The following ARRDC5 variants were observed in gnomAD, a reference collection of about 807,000 sequenced individuals.
ARRDC5 encodes arrestin domain-containing protein 5.
In ARRDC5, 12 loss-of-function variants were observed where a neutral mutation model predicts 13.3. The ratio of observed to expected loss-of-function variants is 0.90; its 90% CI spans 0.58 to 1.46. ARRDC5 has a LOEUF of 1.46. Among genes scored for constraint, ARRDC5 ranks in the 40% most tolerant of loss-of-function variants. The probability of loss-of-function intolerance (pLI) is 0.00; values close to 1 mark genes in which losing one functional copy is unlikely to be tolerated. For synonymous variants in ARRDC5, 181 were observed against 173.4 expected (o/e 1.04, Z -0.34); for missense variants, 406 against 418.7 (o/e 0.97, Z 0.26).
rs751871191 is a variant in ARRDC5, at chr19:4,891,511, G to C, written c.522C>G (p.Val174=). 6.2e-7 allele frequency: 1 copy of C among 1,613,926 alleles called. No homozygotes were observed. The highest frequency in any genetic ancestry group is 8.5e-7 in the Non-Finnish European group (1 of 1,179,872). Residue 174 remains valine, a synonymous_variant, in exon 3 of 3, where the codon GTC becomes GTG. Transcript: ENST00000650722. ...VSYNCCRQGT[V]CLQIQMERNT... ...TCCTTTCCATCTGGATTTGCAAACA[G>C]ACAGTGCCCTGGCGGCAGCAGTTGT...
At chr19:4,906,534 A>C (rs911742979), upstream of ARRDC5, among the ~76,000 whole-genome samples, 1 of 152,130 alleles carries the variant, frequency 6.6e-6, no homozygotes, top group Admixed American at 6.5e-5. Flanking sequence ...CGGGCAGATC[A>C]CCTAAGGTCA....
At chr19:4,916,649 G>A in the ARRDC5 span, among the ~76,000 whole-genome samples, 9 of 152,006 alleles carry the variant, frequency 5.9e-5, no homozygotes, top group African/African-American at 1.9e-4. Context: ...CGCCACCGCC[G>A]CCCCCTCTTG....
upstream of ARRDC5, chr19:4,903,486 T>C (rs962319851): frequency 6.6e-6 from 1 of 152,136 alleles, no homozygotes; most frequent in African/African-American, 2.4e-5. Flanking sequence ...TTGCTAATTT[T>C]TTTTTGGTAT....
chr19:4,910,849 G>C, the ARRDC5 span: 1 of 1,579,850 alleles, frequency 6.3e-7, no homozygotes, highest in Non-Finnish European at 8.6e-7. Flanking sequence ...TAAAACTGAT[G>C]GGGGTTTTTG....
chr19:4,909,262 T>G, the ARRDC5 span: 1 of 519,204 alleles, frequency 1.9e-6, no homozygotes, highest in East Asian at 3.6e-5. Flanking sequence ...GTGCGGGGGG[T>G]GACCAGGCCC....
chr19:4,894,752 G>GGAA (rs748454889), intron 2 of ARRDC5, among the ~76,000 whole-genome samples: 283 of 102,904 alleles, frequency 2.8e-3, no homozygotes, highest in African/African-American at 7.5e-3. Context: ...AAGAGGAAGA[G>GGAA]GAAGAAGAAG....
At chr19:4,895,461 A>C (rs1486727481) in intron 2 of ARRDC5, among the ~76,000 whole-genome samples, 2 of 151,052 alleles carry the variant, frequency 1.3e-5, no homozygotes, top group Non-Finnish European at 3.0e-5. Context: ...AGAAAGAAAA[A>C]GGAAAAAAAA....
At chr19:4,902,972 G>A (rs1296455462), upstream of ARRDC5, 18 of 1,139,974 alleles carry the variant, frequency 1.6e-5, no homozygotes, top group East Asian at 3.9e-4. Context: ...AGGAGGGGAG[G>A]CAAAACTGTT....
chr19:4,899,013 T>C (rs1485800082), intron 1 of ARRDC5, among the ~76,000 whole-genome samples: 1 of 151,818 alleles, frequency 6.6e-6, no homozygotes, highest in Non-Finnish European at 1.5e-5. Context: ...GTTTATTAAA[T>C]AAATGAAAAA....
chr19:4,905,180 G>T (rs1254069583), upstream of ARRDC5, among the ~76,000 whole-genome samples: 2 of 131,946 alleles, frequency 1.5e-5, no homozygotes, highest in East Asian at 4.7e-4. Context: ...GCAGTGGTGT[G>T]ATCTCGGCTC....
At chr19:4,909,028 G>A in the ARRDC5 span, among the ~76,000 whole-genome samples, 1 of 152,196 alleles carries the variant, frequency 6.6e-6, no homozygotes, top group South Asian at 2.1e-4. Flanking sequence ...AGCCCTGGCA[G>A]GCCCTGACGC....
chr19:4,902,790 G>C lies in ARRDC5; in HGVS notation c.36C>G (p.Pro12=). The C allele has an allele frequency of 1.2e-6, 2 of 1,613,856 alleles. No individual in the cohort carries two copies. Among genetic ancestry groups the C allele is most frequent in the African/African-American group, 1.3e-5 (1 of 75,024 alleles). ...SVVKSIELVL[P]EDRIYLAGSS... is the part of the protein sequence containing the mutation. ...AGCCAGCCAGGTAGATTCTATCCTC[G>C]GGCAGCACTAATTCGATCGACTTCA... Residue 12 remains proline (P), a synonymous_variant, in exon 1 of 3, where the codon CCC becomes CCG. Coordinates refer to ENST00000650722, the MANE Select transcript of ARRDC5 (RefSeq NM_001080523.3).
At chr19:4,896,484 T>G (rs1476279762) in intron 2 of ARRDC5, among the ~76,000 whole-genome samples, 187 bp downstream of exon 2, 1 of 151,030 alleles carries the variant, frequency 6.6e-6, no homozygotes, top group East Asian at 1.9e-4. Context: ...CATGGCTTAC[T>G]GCAGCCTTGA....
intron 2 of ARRDC5, among the ~76,000 whole-genome samples, chr19:4,896,401 C>CAT (rs1345718246): frequency 0.048 from 4,700 of 98,490 alleles, 138 homozygotes; most frequent in Middle Eastern, 0.093. Context: ...CACACACACA[C>CAT]ACACATATAT....
chr19:4,896,877 C>T lies in ARRDC5; in HGVS notation c.254-1G>A. On this transcript the variant is annotated splice_acceptor_variant, in intron 1 of 2. Transcript: ENST00000650722. LOFTEE classifies it high-confidence loss of function. ...TGGCTGCCTGCACTTAACCAATTATCTGAAAGCAAAACACACCGATGCCAT... is the reference window on the plus strand; with the variant it reads ...TGGCTGCCTGCACTTAACCAATTATTTGAAAGCAAAACACACCGATGCCAT... 1 of 1,612,166 alleles carries T rather than the reference C, an allele frequency of 6.2e-7. No individual in the cohort carries two copies. The highest frequency in any genetic ancestry group is 8.5e-7 in the Non-Finnish European group (1 of 1,178,566).
At position 4,896,325 on chromosome 19, in the gene ARRDC5, AAAAAATAT is replaced by A. The variant is rs1173774141; in HGVS notation, c.459+338_459+345del. Among the ~76,000 whole-genome samples the A allele has an allele frequency of 1.1e-3, 78 of 74,140 alleles. 2 individuals are homozygous for A. The highest frequency in any genetic ancestry group is 1.5e-3 in the Non-Finnish European group (61 of 41,746). The allele number at this position is 74,140 out of a possible 152,430, so 48.6% of individuals were successfully genotyped here. A position where few individuals can be genotyped will look rare whatever the true frequency, so the allele number is the denominator to read the frequency against. ...CGAGACTGCATCTCAAAAAAAAAAA[AAAAAATAT>A]ATATATATATATATATTTTTTTTTT... On this transcript the variant is annotated intron_variant, in intron 2 of 2. Coordinates refer to ENST00000650722, the MANE Select transcript of ARRDC5 (RefSeq NM_001080523.3).
upstream of ARRDC5, among the ~76,000 whole-genome samples, chr19:4,904,348 T>G (rs964865926): frequency 2.4e-4 from 37 of 152,068 alleles, no homozygotes; most frequent in African/African-American, 8.0e-4. Flanking sequence ...CCTGGCTAAT[T>G]TTTTGTATTT....
At chr19:4,904,503 CAG>C (rs2032024287), upstream of ARRDC5, among the ~76,000 whole-genome samples, 1 of 152,122 alleles carries the variant, frequency 6.6e-6, no homozygotes, top group African/African-American at 2.4e-5. Flanking sequence ...TTAGTAGAGA[CAG>C]GGTTTCACCA....
At chr19:4,912,996 C>T in the ARRDC5 span, among the ~76,000 whole-genome samples, 1 of 152,198 alleles carries the variant, frequency 6.6e-6, no homozygotes, top group South Asian at 2.1e-4. Flanking sequence ...TCAAGTGACC[C>T]TCCTGCCTTG....
Sources: gnomAD v4.1 joint callset for allele counts (sites outside exome capture counted in the v4.1 genomes callset) on GRCh38, gnomAD v4.1.1 for gene constraint, MANE v1.5 for transcripts, NCBI Gene and HGNC (gene_info 2026-07-23, HGNC 2026-07-21) for gene names.